The following STK32C variants were observed in gnomAD, a reference collection of about 807,000 sequenced individuals.
STK32C encodes the protein serine/threonine-protein kinase 32C.
In STK32C, 31 loss-of-function variants were observed where a neutral mutation model predicts 56.5. That is an observed-to-expected ratio of 0.55 (90% CI 0.41 to 0.74). The LOEUF (loss-of-function observed/expected upper bound fraction) is 0.74. Among genes scored for constraint, STK32C ranks in the 30% least tolerant of loss-of-function variants. The probability of loss-of-function intolerance (pLI) is 0.00; values close to 1 mark genes in which losing one functional copy is unlikely to be tolerated. For synonymous variants in STK32C, 309 were observed against 289.4 expected (o/e 1.07, Z -0.69); for missense variants, 544 against 676.9 (o/e 0.80, Z 2.18).
chr10:132,294,093 G>A (rs1043161603), intron 1 of STK32C, among the ~76,000 whole-genome samples: 1 of 152,232 alleles, frequency 6.6e-6, no homozygotes, highest in Non-Finnish European at 1.5e-5. Context: ...CCTGGAATGT[G>A]GGAAACAGGT....
chr10:132,211,551 T>C (rs999858365), intron 10 of STK32C, among the ~76,000 whole-genome samples: 9 of 152,204 alleles, frequency 5.9e-5, no homozygotes, highest in African/African-American at 2.2e-4. Context: ...CCACGACCCC[T>C]TTCCACAGGG....
Position 132,225,106 on chromosome 10 carries a change from C to T in STK32C, c.876+127G>A, listed in dbSNP as rs1346083879. ...ACTACACACTTCGATAAAAGCGTGA[C>T]TCCTCAGACACAGTGGAGACATCCC... On this transcript the variant is annotated intron_variant, in intron 7 of 11. Coordinates refer to ENST00000298630, the MANE Select transcript of STK32C (RefSeq NM_173575.4). 4.3e-6 allele frequency: 3 copies of T among 696,238 alleles called. No individual in the cohort carries two copies. The African/African-American group carries it at 5.4e-5, about 13-fold the overall frequency. 43.1% of individuals were successfully genotyped at this position (696,238 alleles called of 1,614,324 possible).
At chr10:132,251,055 A>C (rs907630814) in intron 1 of STK32C, among the ~76,000 whole-genome samples, 3 of 152,252 alleles carry the variant, frequency 2.0e-5, no homozygotes, top group Admixed American at 6.5e-5. Flanking sequence ...GGACCCCACC[A>C]TCCCTGGGGT....
At position 132,264,422 on chromosome 10, in the gene STK32C, C is replaced by T. The variant is rs150375880; in HGVS notation, c.263-18467G>A. On this transcript the variant is annotated intron_variant, in intron 1 of 11. Coordinates refer to ENST00000298630, the MANE Select transcript of STK32C (RefSeq NM_173575.4). ...AGGGACCCCTCGAGCTGGGAGTAGG[C>T]GTTAGGTGGGCGGGACGCACAGGGA... Among the ~76,000 whole-genome samples, 1,119 of 152,202 alleles carry T rather than the reference C, an allele frequency of 7.4e-3. 16 individuals carry two copies. The highest frequency in any genetic ancestry group is 0.025 in the African/African-American group (1,041 of 41,516).
chr10:132,234,643 T>A (rs542557436), intron 2 of STK32C, among the ~76,000 whole-genome samples: 1 of 152,296 alleles, frequency 6.6e-6, no homozygotes, highest in African/African-American at 2.4e-5. Flanking sequence ...CCCCTCCTGC[T>A]TGGGGAGTGG....
At chr10:132,308,721 G>A (rs947641828), upstream of STK32C, among the ~76,000 whole-genome samples, 2 of 152,164 alleles carry the variant, frequency 1.3e-5, no homozygotes, top group Non-Finnish European at 2.9e-5. Context: ...TGCCCGAGTC[G>A]CCCAGGGTCC....
chr10:132,330,398 C>A, intron 1 of STK32C: 1 of 716,346 alleles, frequency 1.4e-6, no homozygotes, highest in South Asian at 1.5e-5. Flanking sequence ...ACGGCAACAC[C>A]CATGTCACTC....
chr10:132,221,587 A>ACACACC (rs1251949213), intron 10 of STK32C, among the ~76,000 whole-genome samples: 3,267 of 133,406 alleles, frequency 0.024, 1,120 homozygotes, highest in Middle Eastern at 0.037. Flanking sequence ...ACTGACACCG[A>ACACACC]TACACCTGGG....
At chr10:132,235,481 C>A (rs368694299) in intron 2 of STK32C, among the ~76,000 whole-genome samples, 1 of 82,470 alleles carries the variant, frequency 1.2e-5, no homozygotes, top group African/African-American at 4.7e-5. Flanking sequence ...GGCAACAGAG[C>A]AAGACTCAGC....
chr10:132,249,601 G>A (rs893287783), intron 1 of STK32C, among the ~76,000 whole-genome samples: 1 of 152,216 alleles, frequency 6.6e-6, no homozygotes, highest in African/African-American at 2.4e-5. Context: ...GGCACTGGCA[G>A]GGGGCTGACC....
chr10:132,251,477 C>T (rs944945702), intron 1 of STK32C, among the ~76,000 whole-genome samples: 13 of 152,140 alleles, frequency 8.5e-5, no homozygotes, highest in African/African-American at 1.4e-4. Flanking sequence ...CTACTGTGAA[C>T]GGCCGAGGAG....
intron 3 of STK32C, among the ~76,000 whole-genome samples, 171 bp downstream of exon 3, chr10:132,227,806 C>A (rs2062945470): frequency 6.6e-6 from 1 of 152,164 alleles, no homozygotes; most frequent in Non-Finnish European, 1.5e-5. Context: ...CACTGCCAGG[C>A]CTGGGGCACA....
intron 10 of STK32C, among the ~76,000 whole-genome samples, chr10:132,213,440 C>G (rs1184517639): frequency 1.3e-5 from 2 of 152,198 alleles, no homozygotes; most frequent in Admixed American, 1.3e-4. Context: ...TTAGGCAAGC[C>G]CAAGGGCAAC....
At chr10:132,228,292 C>A in intron 2 of STK32C, 164 bp from the exon 3 acceptor site, 1 of 768,302 alleles carries the variant, frequency 1.3e-6, no homozygotes, top group Admixed American at 2.0e-5. Flanking sequence ...CAGGTGCATT[C>A]CTCTCTGCCA....
downstream of STK32C, among the ~76,000 whole-genome samples, chr10:132,321,580 A>ATTG (rs1483212969): frequency 6.6e-6 from 1 of 152,136 alleles, no homozygotes; most frequent in Non-Finnish European, 1.5e-5. Flanking sequence ...CTATAATCCC[A>ATTG]GCACTTTGGG....
chr10:132,319,932 G>A (rs2066372123), downstream of STK32C, among the ~76,000 whole-genome samples: 1 of 150,350 alleles, frequency 6.7e-6, no homozygotes, highest in Non-Finnish European at 1.5e-5. Flanking sequence ...CTTTCTCCCA[G>A]GGTGGAGTAT....
chr10:132,320,284 G>A (rs1383654541), downstream of STK32C, among the ~76,000 whole-genome samples: 1 of 152,084 alleles, frequency 6.6e-6, no homozygotes, highest in Non-Finnish European at 1.5e-5. Flanking sequence ...CCCATTGCCA[G>A]AGTGGTGAGG....
At chr10:132,271,622 G>C (rs548953021) in intron 1 of STK32C, among the ~76,000 whole-genome samples, 61 of 152,324 alleles carry the variant, frequency 4.0e-4, no homozygotes, top group Non-Finnish European at 7.9e-4. Context: ...GGCTGGGAGA[G>C]CTGGTAAGAC....
At position 132,281,269 on chromosome 10, in the gene STK32C, C is replaced by T. The variant is rs867840487; in HGVS notation, c.262+26303G>A. Among the ~76,000 whole-genome samples, 8 of 151,236 alleles carry T rather than the reference C, an allele frequency of 5.3e-5. 1 individual carries two copies. Among genetic ancestry groups the T allele is most frequent in the African/African-American group, 1.5e-4 (6 of 41,282 alleles). ...ATCTTTTGCTTCTCTAGACTATGTC[C>T]GTGTTTGAACCTTCTACTTGAACTA... On this transcript the variant is annotated intron_variant, in intron 1 of 11. Transcript: ENST00000298630.
Sources: allele counts gnomAD v4.1 joint callset (sites outside exome capture counted in the v4.1 genomes callset), GRCh38; gene constraint gnomAD v4.1.1; transcripts MANE v1.5; gene names NCBI Gene and HGNC (gene_info 2026-07-23, HGNC 2026-07-21).